The following PPP2R2C variants were observed in gnomAD, a reference collection of about 807,000 sequenced individuals.
The protein encoded by PPP2R2C is protein phosphatase 2, regulatory subunit B, gamma.
PPP2R2C carries 10 observed loss-of-function variants against 45.3 expected under a neutral mutation model. The ratio of observed to expected loss-of-function variants is 0.22; its 90% CI spans 0.14 to 0.37. The LOEUF (loss-of-function observed/expected upper bound fraction) is 0.37. Among genes scored for constraint, PPP2R2C ranks in the 10% least tolerant of loss-of-function variants. The probability of loss-of-function intolerance (pLI) is 1.00; values close to 1 mark genes in which losing one functional copy is unlikely to be tolerated. For synonymous variants in PPP2R2C, 257 were observed against 245.4 expected, an observed-to-expected ratio of 1.05 and a Z score of -0.44; for missense variants, 308 against 619.7, an observed-to-expected ratio of 0.50 and a Z score of 5.34.
At chr4:6,334,829 C>T (rs1291120183) in intron 6 of PPP2R2C, among the ~76,000 whole-genome samples, 1 of 152,228 alleles carries the variant, frequency 6.6e-6, no homozygotes, top group Non-Finnish European at 1.5e-5. Flanking sequence ...AACAGGGAAG[C>T]AGAGCTGATC....
chr4:6,514,619 T>C (rs1723776027), intron 2 of PPP2R2C, among the ~76,000 whole-genome samples: 1 of 152,218 alleles, frequency 6.6e-6, no homozygotes. Context: ...GACACCGGGT[T>C]CTGGAATATG....
Position 6,378,363 on chromosome 4 carries a change from T to C in PPP2R2C, c.334+44A>G, listed in dbSNP as rs373445172. ...TACAAACCAGCATTTGGTAGAAACA[T>C]CTACGGCCTGTGCCCATGCAAGCGA... On this transcript the variant is annotated intron_variant, in intron 3 of 8. Coordinates refer to ENST00000382599, the MANE Select transcript of PPP2R2C (RefSeq NM_020416.4). The surrounding 1 kb of genome is among the most constrained non-coding windows in gnomAD (Gnocchi z 5.2). The C allele has an allele frequency of 1.2e-6, 2 of 1,613,222 alleles. No individual in the cohort carries two copies.
At chr4:6,383,666 C>A in intron 1 of PPP2R2C, 1 of 531,422 alleles carries the variant, frequency 1.9e-6, no homozygotes, top group Non-Finnish European at 2.8e-6. Context: ...GACACCCTGA[C>A]CATCCCTGCC....
intron 1 of PPP2R2C, among the ~76,000 whole-genome samples, chr4:6,401,772 G>T (rs981671025): frequency 1.3e-5 from 2 of 152,166 alleles, no homozygotes; most frequent in African/African-American, 2.4e-5. Context: ...AGTCACAAGT[G>T]ACACTGGAGA....
chr4:6,326,873 G>T (rs567967209), intron 8 of PPP2R2C, among the ~76,000 whole-genome samples: 1 of 152,330 alleles, frequency 6.6e-6, no homozygotes, highest in Non-Finnish European at 1.5e-5. Context: ...TCTGCGGGCC[G>T]GACCAACTGT....
At chr4:6,402,704 G>T (rs1237791030) in intron 1 of PPP2R2C, among the ~76,000 whole-genome samples, 2 of 152,226 alleles carry the variant, frequency 1.3e-5, no homozygotes, top group East Asian at 3.9e-4. Context: ...GAGACATGGG[G>T]ATTCTGAGGG....
At chr4:6,528,652 T>C (rs927063759) in intron 2 of PPP2R2C, among the ~76,000 whole-genome samples, 1 of 152,232 alleles carries the variant, frequency 6.6e-6, no homozygotes, top group African/African-American at 2.4e-5. Flanking sequence ...CCCTGTGACC[T>C]GCACATACAC....
At chr4:6,367,768 G>T (rs1322046487) in intron 5 of PPP2R2C, among the ~76,000 whole-genome samples, 1 of 152,154 alleles carries the variant, frequency 6.6e-6, no homozygotes, top group African/African-American at 2.4e-5. Context: ...CACCCCATGG[G>T]GAGCCAAGCG....
chr4:6,383,471 C>T, intron 1 of PPP2R2C: 6 of 1,280,386 alleles, frequency 4.7e-6, no homozygotes, highest in Non-Finnish European at 5.1e-6. Flanking sequence ...GGCTCCTTGC[C>T]CTTTCCCAAA....
chr4:6,485,443 G>T (rs1722501338), intron 2 of PPP2R2C, among the ~76,000 whole-genome samples: 1 of 151,902 alleles, frequency 6.6e-6, no homozygotes, highest in South Asian at 2.1e-4. Flanking sequence ...TGTAGAATTA[G>T]TATTATTTCC....
At chr4:6,451,877 G>C (rs1560557793) in intron 1 of PPP2R2C, among the ~76,000 whole-genome samples, 1 of 152,088 alleles carries the variant, frequency 6.6e-6, no homozygotes, top group Non-Finnish European at 1.5e-5. Context: ...CAGATGGAGG[G>C]CTCCACGGAA....
At chr4:6,462,140 G>A (rs1721359460) in intron 1 of PPP2R2C, among the ~76,000 whole-genome samples, 1 of 152,250 alleles carries the variant, frequency 6.6e-6, no homozygotes, top group African/African-American at 2.4e-5. Context: ...CCGATGCCCA[G>A]GTCCCAGCAA....
intron 2 of PPP2R2C, among the ~76,000 whole-genome samples, chr4:6,510,060 A>G (rs1723376250): frequency 6.6e-6 from 1 of 152,142 alleles, no homozygotes; most frequent in Admixed American, 6.5e-5. Context: ...GCAACTTCAG[A>G]CTGGTCTCCC....
intron 8 of PPP2R2C, 51 bp from the exon 9 acceptor site, chr4:6,323,644 C>T (rs548768986): frequency 5.4e-5 from 78 of 1,457,216 alleles, no homozygotes; most frequent in South Asian, 2.3e-4. Flanking sequence ...AGCCCCTTCT[C>T]GAGAAATAAG....
chr4:6,326,864 C>G (rs775074922), intron 8 of PPP2R2C, among the ~76,000 whole-genome samples: 63 of 152,224 alleles, frequency 4.1e-4, no homozygotes, highest in Non-Finnish European at 7.9e-4. Flanking sequence ...CAGCGGCGCT[C>G]TGCGGGCCGG....
intron 8 of PPP2R2C, among the ~76,000 whole-genome samples, chr4:6,325,796 T>C (rs1731890735): frequency 6.6e-6 from 1 of 152,170 alleles, no homozygotes; most frequent in South Asian, 2.1e-4. Flanking sequence ...GGGGAGCTGC[T>C]TCACCTCTCC....
intron 1 of PPP2R2C, among the ~76,000 whole-genome samples, chr4:6,390,542 C>T (rs960499922): frequency 1.2e-4 from 18 of 152,342 alleles, no homozygotes; most frequent in South Asian, 2.1e-4. Context: ...GGGAGCACGC[C>T]GGGCGGCGGG....
chr4:6,409,740 C>A (rs1718030171), intron 1 of PPP2R2C, among the ~76,000 whole-genome samples: 1 of 152,168 alleles, frequency 6.6e-6, no homozygotes, highest in Admixed American at 6.5e-5. Context: ...GGACTCACCC[C>A]AAGTCATGGG....
At chr4:6,491,837 G>C (rs541207808) in intron 2 of PPP2R2C, among the ~76,000 whole-genome samples, 52 of 152,260 alleles carry the variant, frequency 3.4e-4, no homozygotes, top group African/African-American at 1.1e-3. Context: ...TAAGCTTCCT[G>C]AGGGAAGCTT....
Sources: gnomAD v4.1 joint callset for allele counts (sites outside exome capture counted in the v4.1 genomes callset) on GRCh38, gnomAD v4.1.1 for gene constraint, Gnocchi (gnomAD v3.1) non-coding constraint, MANE v1.5 for transcripts, NCBI Gene and HGNC (gene_info 2026-07-23, HGNC 2026-07-21) for gene names.